The following BCL2 variants were observed in gnomAD, a reference collection of about 807,000 sequenced individuals.
The protein encoded by BCL2 is apoptosis regulator Bcl-2.
Under a neutral mutation model 14.2 loss-of-function variants are expected in BCL2, and 1 was observed. The ratio of observed to expected loss-of-function variants is 0.07; its 90% CI spans 0.02 to 0.33. The LOEUF (loss-of-function observed/expected upper bound fraction) is 0.33, where lower values mean the gene tolerates loss of function less well. BCL2 is among the 10% of genes least tolerant of loss of function. BCL2 has a pLI of 0.99. For synonymous variants in BCL2, 151 were observed against 137.2 expected (o/e 1.10, Z -0.70); for missense variants, 247 against 305.9 (o/e 0.81, Z 1.44).
intron 2 of BCL2, among the ~76,000 whole-genome samples, chr18:63,256,140 A>G (rs534582458): frequency 6.6e-6 from 1 of 152,346 alleles, no homozygotes; most frequent in South Asian, 2.1e-4. Context: ...GTCATTGTGC[A>G]TTGGTTGAAT....
chr18:63,296,366 T>C (rs1309597604), intron 2 of BCL2, among the ~76,000 whole-genome samples: 3 of 152,056 alleles, frequency 2.0e-5, no homozygotes, highest in African/African-American at 2.4e-5. Context: ...GGCACAATCA[T>C]GGCTCACTGC....
At chr18:63,165,832 G>A (rs116855817) in intron 2 of BCL2, among the ~76,000 whole-genome samples, 388 of 152,264 alleles carry the variant, frequency 2.5e-3, no homozygotes, top group Middle Eastern at 0.01. Context: ...GGGGATGTCC[G>A]AATAACAAAC....
chr18:63,132,881 G>A (rs1160880654), intron 2 of BCL2, among the ~76,000 whole-genome samples: 2 of 152,136 alleles, frequency 1.3e-5, no homozygotes, highest in African/African-American at 2.4e-5. Context: ...CATGTGATTC[G>A]GACAAAATCC....
At chr18:63,186,418 A>G (rs78001677) in intron 2 of BCL2, among the ~76,000 whole-genome samples, 2,203 of 152,320 alleles carry the variant, frequency 0.014, 48 homozygotes, top group African/African-American at 0.05. Context: ...AAGTCTGCTA[A>G]CAATAAAAAC....
At chr18:63,213,379 C>T (rs1203724925) in intron 2 of BCL2, among the ~76,000 whole-genome samples, 1 of 152,078 alleles carries the variant, frequency 6.6e-6, no homozygotes, top group Non-Finnish European at 1.5e-5. Flanking sequence ...TAGGTCCTCA[C>T]ACCACACCCC....
intron 2 of BCL2, among the ~76,000 whole-genome samples, chr18:63,289,668 T>C (rs1912588661): frequency 6.6e-6 from 1 of 151,844 alleles, no homozygotes; most frequent in Non-Finnish European, 1.5e-5. Flanking sequence ...CCAAGGCAGG[T>C]GGATCACTTG....
At chr18:63,199,648 C>G (rs563739680) in intron 2 of BCL2, among the ~76,000 whole-genome samples, 23 of 152,070 alleles carry the variant, frequency 1.5e-4, no homozygotes, top group Admixed American at 5.2e-4. Context: ...CACACATACA[C>G]GCAGACACAT....
At chr18:63,171,250 A>C (rs1418618955) in intron 2 of BCL2, among the ~76,000 whole-genome samples, 2 of 152,224 alleles carry the variant, frequency 1.3e-5, no homozygotes, top group Non-Finnish European at 2.9e-5. Flanking sequence ...AAGAAAAAAA[A>C]CAAAAACCAA....
chr18:63,224,580 A>G (rs543202229), intron 2 of BCL2, among the ~76,000 whole-genome samples: 5 of 152,370 alleles, frequency 3.3e-5, no homozygotes, highest in African/African-American at 1.2e-4. Context: ...GTGACACAAC[A>G]GAATGAAGAC....
chr18:63,200,037 G>A (rs560759981), intron 2 of BCL2, among the ~76,000 whole-genome samples: 10 of 152,244 alleles, frequency 6.6e-5, no homozygotes, highest in Non-Finnish European at 1.3e-4. Context: ...AGTTCCAGAC[G>A]TATACCTCTG....
chr18:63,129,854 G>C (rs1175351909), intron 2 of BCL2, among the ~76,000 whole-genome samples: 1 of 152,202 alleles, frequency 6.6e-6, no homozygotes, highest in Non-Finnish European at 1.5e-5. Context: ...TTCTCCTGGG[G>C]AAAGGGAGCT....
intron 2 of BCL2, among the ~76,000 whole-genome samples, chr18:63,300,464 C>CTGTGTGTG (rs776497748): frequency 1.4e-5 from 2 of 142,002 alleles, no homozygotes; most frequent in African/African-American, 5.0e-5. Flanking sequence ...CTCTCTCTCT[C>CTGTGTGTG]TCTGTGTGTG....
At chr18:63,180,465 C>G (rs1915456008) in intron 2 of BCL2, among the ~76,000 whole-genome samples, 1 of 152,280 alleles carries the variant, frequency 6.6e-6, no homozygotes, top group African/African-American at 2.4e-5. Flanking sequence ...CTGAGCAGCA[C>G]TGCTTCCCCT....
At chr18:63,195,419 A>T (rs1909417567) in intron 2 of BCL2, among the ~76,000 whole-genome samples, 1 of 152,254 alleles carries the variant, frequency 6.6e-6, no homozygotes, top group African/African-American at 2.4e-5. Flanking sequence ...AGGAAGAAAA[A>T]GTCACTCCTT....
chr18:63,242,389 C>G (rs1407298660), intron 2 of BCL2, among the ~76,000 whole-genome samples: 2 of 152,240 alleles, frequency 1.3e-5, no homozygotes, highest in African/African-American at 4.8e-5. Context: ...AATCAGGGAA[C>G]ACATGATATA....
intron 2 of BCL2, among the ~76,000 whole-genome samples, chr18:63,230,120 GC>G (rs1264737963): frequency 1.3e-5 from 2 of 152,012 alleles, no homozygotes; most frequent in African/African-American, 4.8e-5. Context: ...CAGGTTCCAG[GC>G]CACAGAACAA....
chr18:63,198,710 GACACAC>G (rs762935795), intron 2 of BCL2, among the ~76,000 whole-genome samples: 1 of 72,146 alleles, frequency 1.4e-5, no homozygotes, highest in African/African-American at 5.9e-5. Context: ...GACACACAGA[GACACAC>G]ACACACAGAC....
intron 2 of BCL2, among the ~76,000 whole-genome samples, chr18:63,298,973 C>G (rs4941194): frequency 0.55 from 82,877 of 152,064 alleles, 24,228 homozygotes; most frequent in African/African-American, 0.76. Context: ...CCAAAACCGC[C>G]TGGGTTCAAA....
intron 2 of BCL2, among the ~76,000 whole-genome samples, chr18:63,190,746 G>A (rs1909269123): frequency 1.3e-5 from 2 of 151,922 alleles, no homozygotes; most frequent in Admixed American, 1.3e-4. Context: ...CCATGTACAG[G>A]CTTGTGACAT....
Sources: allele counts gnomAD v4.1 joint callset (sites outside exome capture counted in the v4.1 genomes callset), GRCh38; gene constraint gnomAD v4.1.1; transcripts MANE v1.5; gene names NCBI Gene and HGNC (gene_info 2026-07-23, HGNC 2026-07-21).